Variants in SPHKAP observed in about 807,000 individuals in gnomAD.
The protein encoded by SPHKAP is A-kinase anchor protein SPHKAP.
SPHKAP carries 67 observed loss-of-function variants against 137.5 expected under a neutral mutation model. That is an observed-to-expected ratio of 0.49 (90% CI 0.40 to 0.60). The LOEUF is 0.60. SPHKAP is among the 20% of genes least tolerant of loss of function. The pLI, the probability that SPHKAP is intolerant of heterozygous loss-of-function variation, is 0.00. For synonymous variants in SPHKAP, 813 were observed against 785.3 expected, an observed-to-expected ratio of 1.04 and a Z score of -0.59; for missense variants, 2,097 against 2,069.3, an observed-to-expected ratio of 1.01 and a Z score of -0.26.
At chr2:228,149,613 T>C (rs1396680202) in intron 1 of SPHKAP, among the ~76,000 whole-genome samples, 1 of 152,216 alleles carries the variant, frequency 6.6e-6, no homozygotes, top group Non-Finnish European at 1.5e-5. Context: ...GGATCTCCAA[T>C]CTAAGCCACT....
At chr2:227,996,089 C>A in intron 7 of SPHKAP, 4 of 984,450 alleles carry the variant, frequency 4.1e-6, no homozygotes, top group Non-Finnish European at 4.8e-6. Flanking sequence ...TTTTATCAAT[C>A]ACTCCTGGTT....
chr2:228,154,508 C>CTATA (rs1331355468), intron 1 of SPHKAP, among the ~76,000 whole-genome samples: 1,353 of 34,156 alleles, frequency 0.04, 27 homozygotes, highest in Non-Finnish European at 0.056. Flanking sequence ...CTCTCTCTCT[C>CTATA]TCTCTATATA....
chr2:228,092,516 GC>G (rs1697828684), intron 3 of SPHKAP, among the ~76,000 whole-genome samples: 1 of 66,128 alleles, frequency 1.5e-5, no homozygotes, highest in Non-Finnish European at 2.9e-5. Flanking sequence ...ACATATATGT[GC>G]CATATATATG....
At chr2:228,068,854 A>C (rs1413680897) in intron 3 of SPHKAP, among the ~76,000 whole-genome samples, 1 of 152,214 alleles carries the variant, frequency 6.6e-6, no homozygotes, top group African/African-American at 2.4e-5. Context: ...TGAAATATTT[A>C]GTTTTAAAAG....
rs1354000714 is a variant in SPHKAP at position 228,017,272 on chromosome 2, G to A, written c.3582C>T (p.Phe1194=). ...CGATGTCCCTCAGCATGTACCTGTA[G>A]AACTCCTCAGTGATGCTCTCTGTGC... The part of the protein sequence containing the change: ...QSSTESITEE[F]YRYMLRDIER... Residue 1194 remains phenylalanine, a synonymous_variant, in exon 7 of 12, where the codon TTC becomes TTT. Coordinates refer to ENST00000392056, the MANE Select transcript of SPHKAP (RefSeq NM_001142644.2). 1 of 1,614,068 alleles carries A rather than the reference G, an allele frequency of 6.2e-7. No individual in the cohort carries two copies. Among genetic ancestry groups the A allele is most frequent in the Non-Finnish European group, 8.5e-7 (1 of 1,180,036 alleles).
intron 2 of SPHKAP, chr2:228,109,298 C>G (rs1574857153): frequency 1.1e-6 from 1 of 878,156 alleles, no homozygotes; most frequent in Non-Finnish European, 1.4e-6. Flanking sequence ...AGTGTTCTTT[C>G]ACACTCCATA....
chr2:228,105,962 G>A (rs1168426198), intron 3 of SPHKAP, among the ~76,000 whole-genome samples: 1 of 152,088 alleles, frequency 6.6e-6, no homozygotes, highest in African/African-American at 2.4e-5. Context: ...TCTTCAGGGG[G>A]CTTCTGAGCC....
chr2:228,155,682 A>T (rs1367645717), intron 1 of SPHKAP, among the ~76,000 whole-genome samples: 1 of 152,220 alleles, frequency 6.6e-6, no homozygotes, highest in African/African-American at 2.4e-5. Flanking sequence ...AAACTGAATT[A>T]AGAGCAAAAA....
chr2:227,980,421 T>C lies in SPHKAP; in HGVS notation c.*1296A>G, dbSNP rs887994413. The C allele has an allele frequency of 5.9e-5, 9 of 152,160 alleles. No homozygotes were observed. Among genetic ancestry groups the C allele is most frequent in the African/African-American group, 1.7e-4 (7 of 41,436 alleles). 9.4% of individuals were successfully genotyped at this position (152,160 alleles called of 1,614,324 possible). On this transcript the variant is annotated 3_prime_UTR_variant, in exon 12 of 12. Transcript: ENST00000392056. Reference sequence around the variant, plus strand: ...AAAATTACTTTGTGATCTTTAAAAATAGAGTAAAAGTATAGTTATCCAGAA... The same window carrying C: ...AAAATTACTTTGTGATCTTTAAAAACAGAGTAAAAGTATAGTTATCCAGAA...
intron 1 of SPHKAP, among the ~76,000 whole-genome samples, chr2:228,153,684 C>T (rs2106402666): frequency 6.6e-6 from 1 of 152,140 alleles, no homozygotes; most frequent in East Asian, 1.9e-4. Context: ...CTGGTAATTC[C>T]TTATTTTCTT....
intron 3 of SPHKAP, among the ~76,000 whole-genome samples, chr2:228,048,414 C>T (rs190187006): frequency 6.6e-6 from 1 of 152,232 alleles, no homozygotes; most frequent in East Asian, 1.9e-4. Flanking sequence ...TTCAACTCCA[C>T]CTCATCTCTC....
intron 3 of SPHKAP, among the ~76,000 whole-genome samples, chr2:228,057,395 C>A (rs866372049): frequency 6.6e-6 from 1 of 152,292 alleles, no homozygotes; most frequent in Middle Eastern, 3.4e-3. Context: ...TGATTATCTG[C>A]ATCTCAAAAC....
Position 228,098,565 on chromosome 2 carries a change from G to A in SPHKAP, c.246+10267C>T, listed in dbSNP as rs374501671. On this transcript the variant is annotated intron_variant, in intron 3 of 11. Transcript: ENST00000392056. ...CTCATAGGTGGGAATTGAACAATGAGAACACATGGACACAGGAAGGGGAAC... is the reference window on the plus strand; with the variant it reads ...CTCATAGGTGGGAATTGAACAATGAAAACACATGGACACAGGAAGGGGAAC... 7.3e-3 allele frequency among the ~76,000 whole-genome samples: 1,108 copies of A among 151,570 alleles called. 19 individuals are homozygous for A. Among genetic ancestry groups the A allele is most frequent in the African/African-American group, 0.025 (1,016 of 41,264 alleles).
intron 1 of SPHKAP, among the ~76,000 whole-genome samples, chr2:228,177,076 T>G (rs1700766352): frequency 6.6e-6 from 1 of 151,662 alleles, no homozygotes; most frequent in African/African-American, 2.4e-5. Context: ...ATTTATGAGA[T>G]GATTGTAAGG....
Position 228,126,945 on chromosome 2 carries a change from ATTATCCAACTAATGCATTGTCTTGACCC to A in SPHKAP, c.138+5007_138+5034del, listed in dbSNP as rs551743287. Among the ~76,000 whole-genome samples the A allele has an allele frequency of 5.3e-5, 8 of 152,302 alleles. No individual in the cohort carries two copies. The South Asian group carries it at 1.4e-3, about 28-fold the overall frequency. ...AATTTGCAATTTTTTTCAGAGGCTGATTATCCAACTAATGCATTGTCTTGACCCTTGTTTTATTTCTCTCACCAGTTAA... is the reference window on the plus strand; with the variant it reads ...AATTTGCAATTTTTTTCAGAGGCTGATTGTTTTATTTCTCTCACCAGTTAA... On this transcript the variant is annotated intron_variant, in intron 2 of 11. Coordinates refer to ENST00000392056, the MANE Select transcript of SPHKAP (RefSeq NM_001142644.2).
chr2:228,160,095 G>T (rs971517245), intron 1 of SPHKAP, among the ~76,000 whole-genome samples: 26 of 152,158 alleles, frequency 1.7e-4, no homozygotes, highest in African/African-American at 5.5e-4. Context: ...TTAGAGTGGA[G>T]GAAGTTTAGC....
intron 1 of SPHKAP, among the ~76,000 whole-genome samples, chr2:228,166,684 T>C (rs1212854599): frequency 1.3e-5 from 2 of 152,228 alleles, no homozygotes; most frequent in Non-Finnish European, 2.9e-5. Context: ...TTATCATTAA[T>C]ATTTTCACAC....
intron 1 of SPHKAP, among the ~76,000 whole-genome samples, chr2:228,171,025 G>C (rs1700568984): frequency 6.6e-6 from 1 of 152,042 alleles, no homozygotes; most frequent in African/African-American, 2.4e-5. Context: ...CTTTGAATTT[G>C]TTTCTAGGAC....
chr2:228,149,899 T>C (rs968133761), intron 1 of SPHKAP, among the ~76,000 whole-genome samples: 3 of 152,186 alleles, frequency 2.0e-5, no homozygotes, highest in African/African-American at 7.2e-5. Context: ...TTTGGTTTCT[T>C]CCTTTCTAAA....
Sources: gnomAD v4.1 joint callset for allele counts (sites outside exome capture counted in the v4.1 genomes callset) on GRCh38, gnomAD v4.1.1 for gene constraint, MANE v1.5 for transcripts, NCBI Gene and HGNC (gene_info 2026-07-23, HGNC 2026-07-21) for gene names.